KLF8: variants seen among roughly 807,000 people sequenced by gnomAD.
KLF8 encodes Krueppel-like factor 8.
KLF8 carries 10 observed loss-of-function variants against 18.2 expected under a neutral mutation model. The observed-to-expected ratio is 0.55, with a 90% CI of 0.34 to 0.93. The LOEUF (loss-of-function observed/expected upper bound fraction) is 0.93, where lower values mean the gene tolerates loss of function less well. Ranked by LOEUF, KLF8 falls within the 40% of genes least tolerant of loss-of-function variation. KLF8 has a pLI of 0.02. For missense variants in KLF8, 264 were observed against 277.9 expected (o/e 0.95, Z 0.36); for synonymous variants, 109 against 97.3 (o/e 1.12, Z -0.71).
the KLF8 span, among the ~76,000 whole-genome samples, chrX:56,216,435 G>A: frequency 2.7e-5 from 3 of 110,982 alleles, no homozygotes; most frequent in East Asian, 8.4e-4. Flanking sequence ...ATAGCTCACA[G>A]TAACCTTGAA....
At chrX:56,170,911 G>A in the KLF8 span, among the ~76,000 whole-genome samples, 5 of 111,884 alleles carry the variant, frequency 4.5e-5, no homozygotes, top group African/African-American at 1.6e-4. Context: ...GGTCAGAGAT[G>A]AAGAAAGCAT....
the KLF8 span, among the ~76,000 whole-genome samples, chrX:56,125,014 C>G: frequency 8.9e-6 from 1 of 112,012 alleles, no homozygotes; most frequent in Non-Finnish European, 1.9e-5. Context: ...TTAAAGAGCC[C>G]TCGTGTCTGA....
chrX:56,077,926 T>G, the KLF8 span, among the ~76,000 whole-genome samples: 56 of 112,036 alleles, frequency 5.0e-4, no homozygotes, highest in Non-Finnish European at 9.2e-4. Flanking sequence ...AGTTCACTCA[T>G]GATTTGGCCT....
the KLF8 span, among the ~76,000 whole-genome samples, chrX:56,039,032 G>A: frequency 3.0e-4 from 34 of 111,562 alleles, no homozygotes; most frequent in Non-Finnish European, 2.1e-4. Context: ...GGCTGTTGAG[G>A]TTTATTGCCC....
At chrX:56,171,390 A>G in the KLF8 span, among the ~76,000 whole-genome samples, 1 of 111,879 alleles carries the variant, frequency 8.9e-6, no homozygotes, top group Non-Finnish European at 1.9e-5. Flanking sequence ...TTCTTTTATT[A>G]TACTTTAAGT....
the KLF8 span, among the ~76,000 whole-genome samples, chrX:56,078,589 T>C: frequency 8.9e-6 from 1 of 111,942 alleles, no homozygotes; most frequent in Non-Finnish European, 1.9e-5. Context: ...TCAAGGATAT[T>C]GGTGTAAAAT....
At chrX:56,173,111 C>A in the KLF8 span, among the ~76,000 whole-genome samples, 2 of 111,459 alleles carry the variant, frequency 1.8e-5, no homozygotes, top group Admixed American at 9.6e-5. Context: ...TAATTAGATC[C>A]CATTTGTCAA....
chrX:56,178,231 C>T, the KLF8 span, among the ~76,000 whole-genome samples: 78 of 112,675 alleles, frequency 6.9e-4, no homozygotes, highest in African/African-American at 2.4e-3. Context: ...TCTCTGATGG[C>T]CAGTGATGAT....
chrX:56,222,699 G>T, the KLF8 span, among the ~76,000 whole-genome samples: 1 of 113,001 alleles, frequency 8.8e-6, no homozygotes, highest in Admixed American at 9.3e-5. Flanking sequence ...AGCCCACCGT[G>T]GGGGCAGGGC....
At chrX:56,060,514 C>G in the KLF8 span, among the ~76,000 whole-genome samples, 1 of 111,607 alleles carries the variant, frequency 9.0e-6, no homozygotes, top group Non-Finnish European at 1.9e-5. Context: ...GTTGAACCAC[C>G]CTTGCATCCT....
chrX:56,169,921 A>G, the KLF8 span, among the ~76,000 whole-genome samples: 7 of 111,478 alleles, frequency 6.3e-5, no homozygotes, highest in African/African-American at 2.3e-4. Flanking sequence ...TCTGACGAGC[A>G]CAGTCTCAGT....
At chrX:56,017,860 T>C in the KLF8 span, among the ~76,000 whole-genome samples, 2 of 111,950 alleles carry the variant, frequency 1.8e-5, no homozygotes, top group Admixed American at 1.9e-4. Flanking sequence ...TACTCCCAAA[T>C]AGCATTTGAA....
the KLF8 span, among the ~76,000 whole-genome samples, chrX:56,210,069 G>A: frequency 9.0e-6 from 1 of 111,654 alleles, no homozygotes; most frequent in Non-Finnish European, 1.9e-5. Context: ...TAAGGTAAAA[G>A]TAGTTTGCAC....
At chrX:55,914,190 C>A in the KLF8 span, among the ~76,000 whole-genome samples, 2 of 111,522 alleles carry the variant, frequency 1.8e-5, no homozygotes, top group Admixed American at 1.9e-4. Context: ...TAAATCTGGT[C>A]ATATATATTA....
the KLF8 span, among the ~76,000 whole-genome samples, chrX:56,108,318 G>T: frequency 2.7e-5 from 3 of 111,700 alleles, no homozygotes; most frequent in African/African-American, 9.7e-5. Flanking sequence ...TTACTATTAA[G>T]TGTAATTTAG....
At chrX:55,989,029 T>G in the KLF8 span, among the ~76,000 whole-genome samples, 1 of 111,912 alleles carries the variant, frequency 8.9e-6, no homozygotes, top group South Asian at 3.7e-4. Flanking sequence ...ATAAGAATGC[T>G]TGTGATTTTT....
intron 1 of KLF8, among the ~76,000 whole-genome samples, chrX:56,247,247 G>T (rs962324928): frequency 1.4e-4 from 16 of 111,517 alleles, no homozygotes; most frequent in Non-Finnish European, 3.0e-4. Context: ...GTGTATATTT[G>T]TGTATCTAAA....
the KLF8 span, among the ~76,000 whole-genome samples, chrX:56,121,054 C>T: frequency 9.1e-6 from 1 of 109,351 alleles, no homozygotes; most frequent in African/African-American, 3.3e-5. Flanking sequence ...GACGTGGTGG[C>T]GGGCACCTGT....
intron 1 of KLF8, chrX:56,243,528 CTTT>C (rs773032466): frequency 1.0e-3 from 60 of 59,322 alleles, no homozygotes; most frequent in Non-Finnish European, 1.5e-3. Context: ...GAAACTCTTG[CTTT>C]TTTTTTTTTT....
Sources: allele counts gnomAD v4.1 joint callset (sites outside exome capture counted in the v4.1 genomes callset), GRCh38; gene constraint gnomAD v4.1.1; transcripts MANE v1.5; gene names NCBI Gene and HGNC (gene_info 2026-07-23, HGNC 2026-07-21).